The following GUCA1C variants were observed in gnomAD, a reference collection of about 807,000 sequenced individuals.
GUCA1C encodes the protein guanylate cyclase activator 1C.
In GUCA1C, 15 loss-of-function variants were observed where a neutral mutation model predicts 16.2. The ratio of observed to expected loss-of-function variants is 0.93; its 90% CI spans 0.62 to 1.43. The LOEUF is 1.43. Among genes scored for constraint, GUCA1C ranks in the 40% most tolerant of loss-of-function variants. GUCA1C has a pLI of 0.00. For missense variants in GUCA1C, 275 were observed against 244.8 expected (o/e 1.12, Z -0.82); for synonymous variants, 78 against 85.4 (o/e 0.91, Z 0.48).
chr3:108,948,073 A>G (rs1010253592), intron 1 of GUCA1C, among the ~76,000 whole-genome samples: 2 of 152,096 alleles, frequency 1.3e-5, no homozygotes, highest in African/African-American at 4.8e-5. Flanking sequence ...TGATCCTCAG[A>G]CTGCCCTCAC....
chr3:108,931,996 G>A (rs138799043), intron 1 of GUCA1C, among the ~76,000 whole-genome samples: 402 of 151,114 alleles, frequency 2.7e-3, no homozygotes, highest in African/African-American at 9.1e-3. Context: ...GACTACAGGC[G>A]CCCACCACCA....
At chr3:108,928,213 T>C (rs1320070639) in intron 1 of GUCA1C, among the ~76,000 whole-genome samples, 1 of 152,232 alleles carries the variant, frequency 6.6e-6, no homozygotes, top group East Asian at 1.9e-4. Context: ...AAGTCCATGA[T>C]GTCAGTCTCC....
At chr3:108,917,704 T>C (rs1039377487) in intron 2 of GUCA1C, among the ~76,000 whole-genome samples, 1 of 151,978 alleles carries the variant, frequency 6.6e-6, no homozygotes, top group Non-Finnish European at 1.5e-5. Flanking sequence ...TCTGTAGGCA[T>C]GAATCATGCA....
chr3:108,939,934 C>G (rs1390228854), intron 1 of GUCA1C, among the ~76,000 whole-genome samples: 2 of 152,052 alleles, frequency 1.3e-5, no homozygotes, highest in African/African-American at 4.8e-5. Flanking sequence ...CATATATAGC[C>G]AGAATGAAGA....
Position 108,953,707 on chromosome 3 carries a change from G to T in GUCA1C, c.56C>A (p.Thr19Asn), listed in dbSNP as rs1308252618. Residue 19 changes from threonine (T) to asparagine (N), a missense_variant, in exon 1 of 4, where the codon ACC becomes AAC. Thr to Asn is a moderately conservative substitution (Grantham distance 65, BLOSUM62 0). Coordinates refer to ENST00000261047, the MANE Select transcript of GUCA1C (RefSeq NM_005459.4). ...CATAAATGTTCTGTACCACACATGGGTCTCTTGTGTAGGAACTGCTTTCTG... is the reference window on the plus strand; with the variant it reads ...CATAAATGTTCTGTACCACACATGGTTCTCTTGTGTAGGAACTGCTTTCTG... ...GDQKAVPTQE[T>N]HVWYRTFMME... 3 of 1,613,092 alleles carry T rather than the reference G, an allele frequency of 1.9e-6. No individual in the cohort carries two copies. In the African/African-American group the frequency reaches 4.0e-5, roughly 22 times the overall value.
At chr3:108,933,180 C>A (rs889762879) in intron 1 of GUCA1C, among the ~76,000 whole-genome samples, 85 of 152,058 alleles carry the variant, frequency 5.6e-4, no homozygotes, top group African/African-American at 2.0e-3. Context: ...TTCTACATCA[C>A]AAAATTGTAA....
At chr3:108,938,259 GA>G (rs1249427920) in intron 1 of GUCA1C, among the ~76,000 whole-genome samples, 1 of 151,988 alleles carries the variant, frequency 6.6e-6, no homozygotes, top group African/African-American at 2.4e-5. Flanking sequence ...CACTATCTGT[GA>G]AAAATTCATG....
chr3:108,940,049 G>A (rs1356527248), intron 1 of GUCA1C, among the ~76,000 whole-genome samples: 1 of 152,164 alleles, frequency 6.6e-6, no homozygotes, highest in Non-Finnish European at 1.5e-5. Context: ...AAAATTCTGT[G>A]AGAAGCTTAA....
intron 1 of GUCA1C, among the ~76,000 whole-genome samples, chr3:108,950,909 G>A (rs949711981): frequency 6.6e-6 from 1 of 152,130 alleles, no homozygotes; most frequent in Non-Finnish European, 1.5e-5. Flanking sequence ...GGGAATGGGT[G>A]TCTCATGATA....
chr3:108,943,722 T>A (rs1394989916), intron 1 of GUCA1C, among the ~76,000 whole-genome samples: 1 of 152,190 alleles, frequency 6.6e-6, no homozygotes, highest in Non-Finnish European at 1.5e-5. Flanking sequence ...AAGCTGAAAT[T>A]CTTACCAGAT....
chr3:108,908,970 T>G (rs2107269027), intron 3 of GUCA1C, among the ~76,000 whole-genome samples: 1 of 152,314 alleles, frequency 6.6e-6, no homozygotes, highest in South Asian at 2.1e-4. Flanking sequence ...TCAAAGAGAC[T>G]GTACCCAGGG....
At chr3:108,910,290 A>T (rs1370097710) in intron 3 of GUCA1C, among the ~76,000 whole-genome samples, 1 of 152,128 alleles carries the variant, frequency 6.6e-6, no homozygotes, top group Admixed American at 6.5e-5. Context: ...CGAGGTCAGG[A>T]GTTCCAGACC....
chr3:108,945,337 G>C (rs1946833790), intron 1 of GUCA1C, among the ~76,000 whole-genome samples: 1 of 152,238 alleles, frequency 6.6e-6, no homozygotes, highest in Non-Finnish European at 1.5e-5. Flanking sequence ...AGTTGCTGTG[G>C]CTGGTCTTTG....
chr3:108,908,750 T>G (rs1946417205), intron 3 of GUCA1C, among the ~76,000 whole-genome samples: 1 of 152,204 alleles, frequency 6.6e-6, no homozygotes, highest in African/African-American at 2.4e-5. Flanking sequence ...TCACCTTGAC[T>G]TACACCTTAG....
intron 1 of GUCA1C, among the ~76,000 whole-genome samples, chr3:108,936,776 G>A (rs2715709): frequency 0.74 from 112,478 of 151,968 alleles, 42,310 homozygotes; most frequent in Non-Finnish European, 0.78. Flanking sequence ...CTTGGAGCCT[G>A]TGTTCTTTTC....
chr3:108,920,138 G>A (rs930895776), intron 2 of GUCA1C, among the ~76,000 whole-genome samples: 1 of 152,106 alleles, frequency 6.6e-6, no homozygotes, highest in African/African-American at 2.4e-5. Context: ...AAGGCATTCT[G>A]CACTGAGGCA....
chr3:108,945,466 G>T (rs536681141), intron 1 of GUCA1C, among the ~76,000 whole-genome samples: 1 of 152,142 alleles, frequency 6.6e-6, no homozygotes, highest in Non-Finnish European at 1.5e-5. Flanking sequence ...ACACGTTTGC[G>T]CCAGTCTAGG....
chr3:108,930,786 C>T (rs529282759), intron 1 of GUCA1C, among the ~76,000 whole-genome samples: 13 of 152,292 alleles, frequency 8.5e-5, no homozygotes, highest in South Asian at 4.1e-4. Flanking sequence ...TTTACCTTTT[C>T]GCTGCTTGCC....
At chr3:108,916,600 G>C (rs1946518190) in intron 2 of GUCA1C, among the ~76,000 whole-genome samples, 1 of 152,176 alleles carries the variant, frequency 6.6e-6, no homozygotes, top group African/African-American at 2.4e-5. Context: ...GAAAGTAAAA[G>C]GATGACCACA....
Sources: gnomAD v4.1 joint callset for allele counts (sites outside exome capture counted in the v4.1 genomes callset) on GRCh38, gnomAD v4.1.1 for gene constraint, MANE v1.5 for transcripts, NCBI Gene and HGNC (gene_info 2026-07-23, HGNC 2026-07-21) for gene names.